The following PHLDB2 variants were observed in gnomAD, a reference collection of about 807,000 sequenced individuals.
PHLDB2 encodes pleckstrin homology-like domain family B member 2.
In PHLDB2, 71 loss-of-function variants were observed where a neutral mutation model predicts 123.6. That is an observed-to-expected ratio of 0.57 (90% CI 0.47 to 0.70). The LOEUF (loss-of-function observed/expected upper bound fraction) is 0.70, where lower values mean the gene tolerates loss of function less well. Ranked by LOEUF, PHLDB2 falls within the 30% of genes least tolerant of loss-of-function variation. The probability of loss-of-function intolerance (pLI) is 0.00; values close to 1 mark genes in which losing one functional copy is unlikely to be tolerated. For missense variants in PHLDB2, 1,446 were observed against 1,519.5 expected, an observed-to-expected ratio of 0.95 and a Z score of 0.80; for synonymous variants, 547 against 541.6, an observed-to-expected ratio of 1.01 and a Z score of -0.14.
intron 5 of PHLDB2, among the ~76,000 whole-genome samples, chr3:111,920,922 G>A (rs1252363024): frequency 6.6e-6 from 1 of 152,212 alleles, no homozygotes; most frequent in Non-Finnish European, 1.5e-5. Context: ...TTCAATGCAA[G>A]TGCACTGCTT....
intron 1 of PHLDB2, among the ~76,000 whole-genome samples, chr3:111,763,653 G>C (rs1481808973): frequency 6.6e-6 from 1 of 152,088 alleles, no homozygotes; most frequent in African/African-American, 2.4e-5. Flanking sequence ...TTCATGTTTT[G>C]AGATCCTAGG....
At chr3:111,838,179 G>A (rs1195656441) in intron 1 of PHLDB2, among the ~76,000 whole-genome samples, 3 of 152,158 alleles carry the variant, frequency 2.0e-5, no homozygotes, top group African/African-American at 7.2e-5. Flanking sequence ...TTGCATGTTT[G>A]TTTTAGAGAC....
At chr3:111,746,734 A>C (rs2059687493) in intron 1 of PHLDB2, among the ~76,000 whole-genome samples, 1 of 152,036 alleles carries the variant, frequency 6.6e-6, no homozygotes, top group Non-Finnish European at 1.5e-5. Flanking sequence ...TTGCCACTAC[A>C]CTCCAGCCTG....
At chr3:111,755,520 C>A (rs1460971177) in intron 1 of PHLDB2, among the ~76,000 whole-genome samples, 1 of 144,674 alleles carries the variant, frequency 6.9e-6, no homozygotes, top group East Asian at 2.0e-4. Flanking sequence ...TTTTTTATTG[C>A]GTCTATTTGA....
intron 1 of PHLDB2, among the ~76,000 whole-genome samples, chr3:111,761,720 A>T (rs1229598350): frequency 6.6e-6 from 1 of 152,144 alleles, no homozygotes; most frequent in East Asian, 1.9e-4. Context: ...GGGGCAAGAG[A>T]ATTTTTAGCT....
At chr3:111,895,427 T>C (rs6438020) in intron 2 of PHLDB2, among the ~76,000 whole-genome samples, 91,751 of 152,134 alleles carry the variant, frequency 0.6, 28,460 homozygotes, top group East Asian at 0.94. Context: ...AGTCTCATTC[T>C]TTTTTAAAAT....
At chr3:111,802,572 G>A (rs2108275142) in intron 1 of PHLDB2, among the ~76,000 whole-genome samples, 1 of 152,308 alleles carries the variant, frequency 6.6e-6, no homozygotes, top group East Asian at 1.9e-4. Context: ...CTTGTGAAAT[G>A]CTTGATATTT....
intron 1 of PHLDB2, among the ~76,000 whole-genome samples, chr3:111,874,182 C>T (rs1447559637): frequency 6.6e-6 from 1 of 152,120 alleles, no homozygotes; most frequent in Non-Finnish European, 1.5e-5. Context: ...ATCAGATTCC[C>T]TTCCCTTCAG....
At chr3:111,912,099 A>G (rs1035736003) in intron 2 of PHLDB2, among the ~76,000 whole-genome samples, 1 of 152,234 alleles carries the variant, frequency 6.6e-6, no homozygotes, top group South Asian at 2.1e-4. Flanking sequence ...TCAGTGTGGT[A>G]AATGTGATCA....
intron 1 of PHLDB2, among the ~76,000 whole-genome samples, chr3:111,802,639 T>C (rs2061419231): frequency 6.6e-6 from 1 of 152,228 alleles, no homozygotes; most frequent in Non-Finnish European, 1.5e-5. Context: ...ATAACAACAC[T>C]CATAGCTTGT....
intron 1 of PHLDB2, among the ~76,000 whole-genome samples, chr3:111,878,565 C>G (rs1444756245): frequency 6.6e-6 from 1 of 152,218 alleles, no homozygotes; most frequent in Non-Finnish European, 1.5e-5. Flanking sequence ...CCTGATTGCC[C>G]TGGCCAGAAC....
intron 1 of PHLDB2, among the ~76,000 whole-genome samples, chr3:111,739,442 G>A (rs936573037): frequency 2.0e-5 from 3 of 152,078 alleles, no homozygotes; most frequent in African/African-American, 7.2e-5. Flanking sequence ...TAAAGGTGAC[G>A]TGACTTGCCC....
At chr3:111,837,444 G>A (rs1191205422) in intron 1 of PHLDB2, among the ~76,000 whole-genome samples, 1 of 151,956 alleles carries the variant, frequency 6.6e-6, no homozygotes, top group African/African-American at 2.4e-5. Context: ...TGCTCTTTGG[G>A]GTGCATAGTA....
chr3:111,939,451 GT>G (rs753172378), intron 6 of PHLDB2, 23 bp from the exon 7 acceptor site: 1 of 1,591,710 alleles, frequency 6.3e-7, no homozygotes, highest in Non-Finnish European at 8.5e-7. Flanking sequence ...AGTGTGTCTT[GT>G]TTTCATTCAC....
Position 111,969,925 on chromosome 3 carries a change from A to G in PHLDB2, c.3535+16A>G. 6.2e-7 allele frequency: 1 copy of G among 1,609,706 alleles called. No individual in the cohort carries two copies. Among genetic ancestry groups the G allele is most frequent in the Non-Finnish European group, 8.5e-7 (1 of 1,176,116 alleles). On this transcript the variant is annotated intron_variant, in intron 16 of 17. Coordinates refer to ENST00000431670, the MANE Select transcript of PHLDB2 (RefSeq NM_001134438.2). ...TATTATGCAGGTGGGTGATAAAAACAATTTAAGCCATATACTCAAATCAAG... is the reference window on the plus strand; with the variant it reads ...TATTATGCAGGTGGGTGATAAAAACGATTTAAGCCATATACTCAAATCAAG...
chr3:111,796,114 G>C (rs955957855), intron 1 of PHLDB2, among the ~76,000 whole-genome samples: 8 of 152,098 alleles, frequency 5.3e-5, no homozygotes, highest in Non-Finnish European at 1.0e-4. Flanking sequence ...AGCCAGCCTG[G>C]TCTCGAACTC....
intron 2 of PHLDB2, among the ~76,000 whole-genome samples, chr3:111,889,782 A>T (rs1363501857): frequency 6.6e-6 from 1 of 152,324 alleles, no homozygotes; most frequent in East Asian, 1.9e-4. Flanking sequence ...GGGAATGTTA[A>T]ATTTATCTAA....
At chr3:111,809,634 T>C (rs2061742390) in intron 1 of PHLDB2, among the ~76,000 whole-genome samples, 1 of 152,244 alleles carries the variant, frequency 6.6e-6, no homozygotes, top group South Asian at 2.1e-4. Flanking sequence ...TGCTTTTCTT[T>C]GTTGCTAAGG....
intron 1 of PHLDB2, among the ~76,000 whole-genome samples, chr3:111,837,165 AAC>A (rs2063451096): frequency 6.6e-6 from 1 of 152,176 alleles, no homozygotes; most frequent in African/African-American, 2.4e-5. Context: ...AAGTGCTTAG[AAC>A]ACAGTCTGCA....
Sources: allele counts gnomAD v4.1 joint callset (sites outside exome capture counted in the v4.1 genomes callset), GRCh38; gene constraint gnomAD v4.1.1; transcripts MANE v1.5; gene names NCBI Gene and HGNC (gene_info 2026-07-23, HGNC 2026-07-21).